POSTN: variants seen among roughly 807,000 people sequenced by gnomAD.
The protein encoded by POSTN is osteoblast specific factor 2 (fasciclin I-like).
Under a neutral mutation model 104.5 loss-of-function variants are expected in POSTN, and 71 were observed. The observed-to-expected ratio is 0.68, with a 90% confidence interval of 0.56 to 0.83. The LOEUF (loss-of-function observed/expected upper bound fraction) is 0.83, where lower values mean the gene tolerates loss of function less well. Among genes scored for constraint, POSTN ranks in the 40% least tolerant of loss-of-function variants. The pLI is 0.00. For synonymous variants in POSTN, 355 were observed against 340.7 expected (o/e 1.04, Z -0.46); for missense variants, 949 against 1,006.8 (o/e 0.94, Z 0.78).
chr13:37,584,041 A>C lies in POSTN; in HGVS notation c.1171T>G (p.Leu391Val), dbSNP rs1399559272. Residue 391 changes from leucine to valine, a missense_variant, in exon 9 of 23, where the codon TTA becomes GTA. Transcript: ENST00000379747. ...GGCCTCAGAGCAGATGCCAAGCCTA[A>C]TTGGGCCACAAGATCCGTGAAGGTG... Reference protein sequence around the residue: ...QTTFTDLVAQLGLASALRPDG... With the variant: ...QTTFTDLVAQVGLASALRPDG... The C allele has an allele frequency of 1.9e-6, 3 of 1,613,874 alleles. No homozygotes were observed. Among genetic ancestry groups the C allele is most frequent in the Non-Finnish European group, 2.5e-6 (3 of 1,179,956 alleles).
At chr13:37,569,913 C>A (rs1413047327) in intron 19 of POSTN, 92 bp from the exon 20 acceptor site, 5 of 823,490 alleles carry the variant, frequency 6.1e-6, no homozygotes, top group African/African-American at 1.7e-5. Flanking sequence ...ACTTGTGGGC[C>A]ATGTAGTCTG....
chr13:37,592,043 C>T (rs1042207153), intron 3 of POSTN, 57 bp downstream of exon 3: 5 of 1,283,900 alleles, frequency 3.9e-6, no homozygotes, highest in South Asian at 1.2e-5. Context: ...CCACAAGCCA[C>T]CTCAACCCTT....
intron 19 of POSTN, 43 bp downstream of exon 19, chr13:37,570,537 T>C (rs1187092967): frequency 7.8e-7 from 1 of 1,289,966 alleles, no homozygotes; most frequent in Admixed American, 1.8e-5. Context: ...TAATTTGATC[T>C]TTATAATCTA....
At chr13:37,564,687 G>T in intron 21 of POSTN, 127 bp from the exon 22 acceptor site, 1 of 489,704 alleles carries the variant, frequency 2.0e-6, no homozygotes, top group South Asian at 3.8e-5. Flanking sequence ...ATTATTTTTA[G>T]TAGTTAAATT....
Position 37,570,772 on chromosome 13 carries a change from A to G in POSTN, c.2180-103T>C. 4.1e-6 allele frequency: 3 copies of G among 735,556 alleles called. No homozygotes were observed. The South Asian group carries it at 5.3e-5, about 13-fold the overall frequency. 45.6% of individuals were successfully genotyped at this position (735,556 alleles called of 1,614,324 possible). On this transcript the variant is annotated intron_variant, in intron 18 of 22. Transcript: ENST00000379747. ...GATTAACTATATTTCTACAAATATT[A>G]CCATTTAAGATTCAATCATAAACAT...
chr13:37,587,870 A>C lies in POSTN; in HGVS notation c.558T>G (p.Pro186=), dbSNP rs969039158. 10 of 1,605,590 alleles carry C rather than the reference A, an allele frequency of 6.2e-6. No homozygotes were observed. The highest frequency in any genetic ancestry group is 8.5e-6 in the Non-Finnish European group (10 of 1,173,196). ...TKDLKNGMII[P]SMYNNLGLFI... ...AAAGCCCCAAATTGTTATACATTGAAGGAATAATCATGCCATTTTTTAAGT... is the reference window on the plus strand; with the variant it reads ...AAAGCCCCAAATTGTTATACATTGACGGAATAATCATGCCATTTTTTAAGT... Residue 186 remains proline, a synonymous_variant, in exon 5 of 23, where the codon CCT becomes CCG. Coordinates refer to ENST00000379747, the MANE Select transcript of POSTN (RefSeq NM_006475.3).
At chr13:37,570,782 A>T in intron 18 of POSTN, 113 bp from the exon 19 acceptor site, 1 of 698,322 alleles carries the variant, frequency 1.4e-6, no homozygotes, top group South Asian at 1.9e-5. Flanking sequence ...ACCATTTAAG[A>T]TTCAATCATA....
chr13:37,579,915 G>T lies in POSTN; in HGVS notation c.1606C>A (p.Pro536Thr). 1 of 1,613,422 alleles carries T rather than the reference G, an allele frequency of 6.2e-7. No homozygotes were observed. Among genetic ancestry groups the T allele is most frequent in the Non-Finnish European group, 8.5e-7 (1 of 1,179,458 alleles). ...TQPGDWTLFV[P>T]TNDAFKGMTS... ...ATTCCCTTAAAAGCATCATTGGTTGGCACAAATAATGTCCAGTCTCCAGGT... is the reference window on the plus strand; with the variant it reads ...ATTCCCTTAAAAGCATCATTGGTTGTCACAAATAATGTCCAGTCTCCAGGT... The change falls in exon 12 of 23, where the codon CCA (proline) becomes ACA (threonine). Residue 536 changes from proline to threonine, a missense_variant. Physicochemically the swap from Pro to Thr is conservative, Grantham distance 38 (BLOSUM62 -1). Transcript: ENST00000379747.
At position 37,586,772 on chromosome 13, in the gene POSTN, T is replaced by C; in HGVS notation, c.753+10A>G. 1 of 1,609,964 alleles carries C rather than the reference T, an allele frequency of 6.2e-7. No individual in the cohort carries two copies. The highest frequency in any genetic ancestry group is 8.5e-7 in the Non-Finnish European group (1 of 1,177,294). On this transcript the variant is annotated intron_variant, in intron 6 of 22. Transcript: ENST00000379747. The stretch of plus-strand genomic sequence containing the variant: ...TTCAATGACTCAAGACAATCTGCTC[T>C]TGGACTTACTCTAAAAGATGAAAGG...
At chr13:37,568,009 G>GA (rs397770497) in intron 21 of POSTN, among the ~76,000 whole-genome samples, 105,635 of 149,790 alleles carry the variant, frequency 0.71, 37,479 homozygotes, top group East Asian at 0.84. Context: ...AGGACTGAAA[G>GA]AAAAAAAAAA....
chr13:37,582,236 C>T, intron 10 of POSTN, 130 bp downstream of exon 10: 1 of 1,052,510 alleles, frequency 9.5e-7, no homozygotes, highest in Non-Finnish European at 1.3e-6. Flanking sequence ...CCAAGCTACC[C>T]AGTTCCCTGA....
In POSTN at chr13:37,564,578, T is replaced by C. The variant is rs963843163; in HGVS notation, c.2432-18A>G. 5.8e-6 allele frequency: 9 copies of C among 1,554,416 alleles called. No individual in the cohort carries two copies. The Admixed American group carries it at 6.8e-5, about 12-fold the overall frequency. Reference sequence around the variant, plus strand: ...GGGTGTGTCTAAAATTAAATTGTTGTAGTTAGAAATACTTCGCAATTATGG... The same window carrying C: ...GGGTGTGTCTAAAATTAAATTGTTGCAGTTAGAAATACTTCGCAATTATGG... On this transcript the variant is annotated intron_variant, in intron 21 of 22. Transcript: ENST00000379747.
At position 37,579,999 on chromosome 13, in the gene POSTN, G is replaced by T; in HGVS notation, c.1530-8C>A. The stretch of plus-strand genomic sequence containing the variant: ...AGTAGGCTGAGGAAGGTGCTAAGTG[G>T]GAAGAATGTATATGTATTTTGTCAG... On this transcript the variant is annotated splice_polypyrimidine_tract_variant and splice_region_variant and intron_variant, in intron 11 of 22. Coordinates refer to ENST00000379747, the MANE Select transcript of POSTN (RefSeq NM_006475.3). The T allele has an allele frequency of 6.2e-7, 1 of 1,610,512 alleles. No homozygotes were observed. The highest frequency in any genetic ancestry group is 1.7e-4 in the Middle Eastern group (1 of 6,040).
At position 37,596,179 on chromosome 13, in the gene POSTN, A is replaced by G. The variant is rs2138412969; in HGVS notation, c.218+1005T>C. On this transcript the variant is annotated intron_variant, in intron 2 of 22. Transcript: ENST00000379747. ...AATTATTCCACCCGAACTTAGGGTA[A>G]CTGAATTTTAATGCTGATGTATTAA... is the stretch of plus-strand genomic sequence containing the variant. Among the ~76,000 whole-genome samples, 4 of 152,338 alleles carry G rather than the reference A, an allele frequency of 2.6e-5. 1 individual carries two copies. In the Middle Eastern group the frequency reaches 0.014, roughly 518 times the overall value.
intron 16 of POSTN, among the ~76,000 whole-genome samples, chr13:37,577,074 G>C (rs968975631): frequency 2.6e-5 from 4 of 151,876 alleles, no homozygotes; most frequent in African/African-American, 9.7e-5. Context: ...GTGAAATAAA[G>C]AAAGAGAGAA....
intron 3 of POSTN, among the ~76,000 whole-genome samples, chr13:37,591,104 T>A (rs150922290): frequency 9.3e-4 from 141 of 152,276 alleles, no homozygotes; most frequent in African/African-American, 3.3e-3. Context: ...AATCAATGGT[T>A]ATTAAATTTG....
chr13:37,584,196 A>G, intron 8 of POSTN, 93 bp from the exon 9 acceptor site: 1 of 1,454,674 alleles, frequency 6.9e-7, no homozygotes, highest in Non-Finnish European at 9.3e-7. Flanking sequence ...CTTTTCTAAT[A>G]TTGTAAGCTA....
chr13:37,570,907 T>C (rs9547960), intron 18 of POSTN: 282,488 of 416,404 alleles, frequency 0.68, 96,579 homozygotes, highest in East Asian at 0.87. Flanking sequence ...ACTCTCCATG[T>C]CATACTTGTT....
chr13:37,586,921 G>A lies in POSTN; in HGVS notation c.614C>T (p.Thr205Ile). The change falls in exon 6 of 23, where the codon ACT becomes ATT. Residue 205 changes from threonine to isoleucine, a missense_variant. Transcript: ENST00000379747. ...FINHYPNGVVTVNCARIIHGN... is the reference protein window; with the variant it reads ...FINHYPNGVVIVNCARIIHGN... The stretch of plus-strand genomic sequence containing the variant: ...ATGGATGATTCGAGCACAATTAACA[G>A]TGACAACCTATAATTATTTGGAAAA... 1.9e-6 allele frequency: 3 copies of A among 1,613,086 alleles called. No individual in the cohort carries two copies. Among genetic ancestry groups the A allele is most frequent in the Non-Finnish European group, 2.5e-6 (3 of 1,179,496 alleles).
Sources: allele counts gnomAD v4.1 joint callset (sites outside exome capture counted in the v4.1 genomes callset), GRCh38; gene constraint gnomAD v4.1.1; transcripts MANE v1.5; gene names NCBI Gene and HGNC (gene_info 2026-07-23, HGNC 2026-07-21).